Variants in BMPR2 observed in about 807,000 individuals in gnomAD.
BMPR2 encodes the protein bone morphogenetic protein receptor type-2.
In BMPR2, 29 loss-of-function variants were observed where a neutral mutation model predicts 100.8. That is an observed-to-expected ratio of 0.29 (90% CI 0.21 to 0.39). The LOEUF (loss-of-function observed/expected upper bound fraction) is 0.39, where lower values mean the gene tolerates loss of function less well. Ranked by LOEUF, BMPR2 falls within the 10% of genes least tolerant of loss-of-function variation. The pLI is 1.00. For synonymous variants in BMPR2, 382 were observed against 442.3 expected (o/e 0.86, Z 1.71); for missense variants, 1,011 against 1,274.5 (o/e 0.79, Z 3.15).
At chr2:202,385,241 C>CT (rs1415343470) in intron 1 of BMPR2, among the ~76,000 whole-genome samples, 1 of 148,194 alleles carries the variant, frequency 6.7e-6, no homozygotes, top group Non-Finnish European at 1.5e-5. Context: ...CCAGGCTAAC[C>CT]TTTTAGGGCA....
At chr2:202,429,079 C>G (rs1691450071) in intron 1 of BMPR2, among the ~76,000 whole-genome samples, 1 of 152,142 alleles carries the variant, frequency 6.6e-6, no homozygotes, top group South Asian at 2.1e-4. Flanking sequence ...AGAATCTATT[C>G]CTTTCTTGTT....
chr2:202,533,654 G>A (rs1324744604), intron 9 of BMPR2, among the ~76,000 whole-genome samples: 1 of 152,084 alleles, frequency 6.6e-6, no homozygotes. Flanking sequence ...GAAACCCCAT[G>A]TCTACTAATA....
In BMPR2 at chr2:202,532,848, C is replaced by A; in HGVS notation, c.1276+116C>A. ...AAGAATCTTTTTACTTTCATTTAAA[C>A]CTTTAGTTCATTGCTATCTAGTGTT... On this transcript the variant is annotated intron_variant, in intron 9 of 12. Coordinates refer to ENST00000374580, the MANE Select transcript of BMPR2 (RefSeq NM_001204.7). This position sits in a 1 kb window ranked among gnomAD's most constrained non-coding sequence, Gnocchi z 4.1. The A allele has an allele frequency of 8.0e-7, 1 of 1,246,546 alleles. No individual in the cohort carries two copies. The highest frequency in any genetic ancestry group is 2.1e-5 in the Admixed American group (1 of 47,016). 77.2% of individuals were successfully genotyped at this position (1,246,546 alleles called of 1,614,324 possible).
intron 10 of BMPR2, among the ~76,000 whole-genome samples, chr2:202,551,701 C>CT (rs1174348102): frequency 1.3e-5 from 2 of 151,728 alleles, no homozygotes; most frequent in South Asian, 4.2e-4. Flanking sequence ...ATGAGGCACT[C>CT]TTTTTTTTAT....
At chr2:202,514,347 A>C (rs1385202502) in intron 4 of BMPR2, among the ~76,000 whole-genome samples, 1 of 152,120 alleles carries the variant, frequency 6.6e-6, no homozygotes, top group African/African-American at 2.4e-5. Context: ...CGTGTTAGCC[A>C]GGATGGTCTC....
At chr2:202,474,664 G>C (rs1212220091) in intron 3 of BMPR2, 1 of 151,966 alleles carries the variant, frequency 6.6e-6, no homozygotes, top group African/African-American at 2.4e-5. Context: ...GACTACAGGC[G>C]CCTGCCACCA....
chr2:202,552,893 G>A lies in BMPR2; in HGVS notation c.1586+5G>A. ...TACTGCTATGCAGAATGAACGGTAA[G>A]ACCCTAAGGGGTGTGGCATCTATCA... On this transcript the variant is annotated splice_donor_5th_base_variant and intron_variant, in intron 11 of 12. Transcript: ENST00000374580. 6.2e-7 allele frequency: 1 copy of A among 1,614,178 alleles called. No individual in the cohort carries two copies. The highest frequency in any genetic ancestry group is 8.5e-7 in the Non-Finnish European group (1 of 1,180,028).
chr2:202,556,059 A>G lies in BMPR2; in HGVS notation c.2394A>G (p.Glu798=), dbSNP rs765209607. Residue 798 remains glutamate, a synonymous_variant, in exon 12 of 13, where the codon GAA becomes GAG. Transcript: ENST00000374580. ...AGATGAATACAATCAATGCAGCAGA[A>G]CCTCATGTGGTGACAGTCACCATGA... The part of the protein sequence containing the change: ...VAKMNTINAA[E]PHVVTVTMNG... 1.5e-5 allele frequency: 24 copies of G among 1,614,078 alleles called. No homozygotes were observed. The South Asian group carries it at 2.2e-4, about 15-fold the overall frequency.
chr2:202,560,126 T>G lies in BMPR2; in HGVS notation c.*180T>G. 1.3e-6 allele frequency: 1 copy of G among 781,418 alleles called. No homozygotes were observed. The highest frequency in any genetic ancestry group is 2.0e-6 in the Non-Finnish European group (1 of 506,208). 48.4% of individuals were successfully genotyped at this position (781,418 alleles called of 1,614,324 possible). ...GAAAAATTTAGCTTATGCTTCCATA[T>G]TTTTAAATTTTGTTTTTTAAGTTTT... On this transcript the variant is annotated 3_prime_UTR_variant, in exon 13 of 13. Transcript: ENST00000374580.
chr2:202,519,174 C>T, intron 6 of BMPR2, 122 bp downstream of exon 6: 1 of 996,286 alleles, frequency 1.0e-6, no homozygotes. Flanking sequence ...CCAGCCTCGC[C>T]AACATGGCAA....
chr2:202,420,176 A>C, intron 1 of BMPR2, among the ~76,000 whole-genome samples: 1 of 152,114 alleles, frequency 6.6e-6, no homozygotes, highest in East Asian at 1.9e-4. Flanking sequence ...TAGGGAAATT[A>C]GGATGTATCT....
intron 5 of BMPR2, among the ~76,000 whole-genome samples, chr2:202,518,357 C>T (rs898804924): frequency 7.2e-5 from 11 of 151,776 alleles, no homozygotes; most frequent in African/African-American, 2.2e-4. Flanking sequence ...AGGCTGGTCT[C>T]GAACTCCTGA....
At chr2:202,494,358 T>G (rs1382257985) in intron 3 of BMPR2, among the ~76,000 whole-genome samples, 1 of 152,250 alleles carries the variant, frequency 6.6e-6, no homozygotes, top group Non-Finnish European at 1.5e-5. Flanking sequence ...AGCTTCCCTT[T>G]GCTGCTTGCT....
chr2:202,428,058 G>A (rs1385128647), intron 1 of BMPR2, among the ~76,000 whole-genome samples: 1 of 151,988 alleles, frequency 6.6e-6, no homozygotes, highest in Non-Finnish European at 1.5e-5. Context: ...TTACAGTTCC[G>A]CATTCAGTGT....
At chr2:202,452,280 T>C (rs1362942283) in intron 1 of BMPR2, among the ~76,000 whole-genome samples, 1 of 152,230 alleles carries the variant, frequency 6.6e-6, no homozygotes, top group Non-Finnish European at 1.5e-5. Flanking sequence ...TCTTTTGCTC[T>C]GAACAATGTT....
rs533744216 is a variant in BMPR2, at chr2:202,423,277, A to G, written c.77-41532A>G. Among the ~76,000 whole-genome samples, 4 of 152,316 alleles carry G rather than the reference A, an allele frequency of 2.6e-5. No individual in the cohort carries two copies. In the South Asian group the frequency reaches 8.3e-4, roughly 32 times the overall value. On this transcript the variant is annotated intron_variant, in intron 1 of 12. Transcript: ENST00000374580. ...AATAGAAAAGCAAAGTGTTCTACCT[A>G]ACTGAACTCTGGGGCCAGAAGTTGG...
At chr2:202,378,283 T>G (rs190081023) in intron 1 of BMPR2, among the ~76,000 whole-genome samples, 87 of 152,334 alleles carry the variant, frequency 5.7e-4, no homozygotes, top group African/African-American at 2.0e-3. Flanking sequence ...TTGGATATTT[T>G]CATTTCAGTT....
intron 7 of BMPR2, among the ~76,000 whole-genome samples, chr2:202,524,121 G>C (rs1462174761): frequency 1.1e-4 from 16 of 152,112 alleles, no homozygotes; most frequent in Non-Finnish European, 4.4e-5. Context: ...CCAGCACTTT[G>C]GGGGGCTGAG....
chr2:202,398,304 C>G (rs1245493929), intron 1 of BMPR2, among the ~76,000 whole-genome samples: 1 of 152,008 alleles, frequency 6.6e-6, no homozygotes, highest in Non-Finnish European at 1.5e-5. Context: ...TGTCTCAAAA[C>G]AAAATAATAT....
Sources: allele counts gnomAD v4.1 joint callset (sites outside exome capture counted in the v4.1 genomes callset), GRCh38; gene constraint gnomAD v4.1.1; non-coding constraint Gnocchi (gnomAD v3.1); transcripts MANE v1.5; gene names NCBI Gene and HGNC (gene_info 2026-07-23, HGNC 2026-07-21).